SNTB1: variants seen among roughly 807,000 people sequenced by gnomAD.
SNTB1 encodes the protein beta-1-syntrophin.
Under a neutral mutation model 48.9 loss-of-function variants are expected in SNTB1, and 36 were observed. The ratio of observed to expected loss-of-function variants is 0.74; its 90% confidence interval spans 0.56 to 0.97. SNTB1 has a LOEUF of 0.97. Among genes scored for constraint, SNTB1 ranks in the 50% least tolerant of loss-of-function variants. The probability of loss-of-function intolerance (pLI) is 0.00; values close to 1 mark genes in which losing one functional copy is unlikely to be tolerated. For missense variants in SNTB1, 786 were observed against 703.4 expected (o/e 1.12, Z -1.33); for synonymous variants, 299 against 294.6 (o/e 1.01, Z -0.15).
intron 1 of SNTB1, among the ~76,000 whole-genome samples, chr8:120,810,468 C>T (rs1367478311): frequency 6.6e-6 from 1 of 152,200 alleles, no homozygotes; most frequent in Non-Finnish European, 1.5e-5. Flanking sequence ...AGGCTCTTCG[C>T]ACGCAGGGGA....
intron 3 of SNTB1, among the ~76,000 whole-genome samples, chr8:120,604,547 G>A (rs1816480339): frequency 6.6e-6 from 1 of 150,900 alleles, no homozygotes; most frequent in African/African-American, 2.4e-5. Flanking sequence ...TCTGCCTCCC[G>A]GGTTCAGGCA....
At chr8:120,721,554 G>T (rs1453480071) in intron 1 of SNTB1, among the ~76,000 whole-genome samples, 7 of 152,080 alleles carry the variant, frequency 4.6e-5, no homozygotes, top group Non-Finnish European at 8.8e-5. Context: ...ACTCTAATTG[G>T]CTGGCTTTTT....
chr8:120,561,768 TA>T (rs1815664688), intron 4 of SNTB1, among the ~76,000 whole-genome samples: 1 of 152,236 alleles, frequency 6.6e-6, no homozygotes, highest in African/African-American at 2.4e-5. Context: ...TCAGCTCTTA[TA>T]ACACTCGGCT....
At chr8:120,744,980 C>G (rs1016212718) in intron 1 of SNTB1, among the ~76,000 whole-genome samples, 1 of 152,192 alleles carries the variant, frequency 6.6e-6, no homozygotes, top group African/African-American at 2.4e-5. Context: ...AATCCATCGT[C>G]TTTCTTGATG....
chr8:120,807,537 A>T (rs1204510525), intron 1 of SNTB1, among the ~76,000 whole-genome samples: 1 of 152,248 alleles, frequency 6.6e-6, no homozygotes, highest in East Asian at 1.9e-4. Context: ...GGCAGAGTTT[A>T]TTCACGATAT....
intron 1 of SNTB1, among the ~76,000 whole-genome samples, chr8:120,731,947 A>C (rs73710006): frequency 0.031 from 4,674 of 152,288 alleles, 242 homozygotes; most frequent in African/African-American, 0.11. Context: ...ATTTTATTTC[A>C]TGGGAATGGG....
chr8:120,594,383 A>G (rs1816291082), intron 3 of SNTB1, among the ~76,000 whole-genome samples: 1 of 152,114 alleles, frequency 6.6e-6, no homozygotes, highest in Non-Finnish European at 1.5e-5. Flanking sequence ...GATTACAGGC[A>G]TGCGCCACCA....
intron 1 of SNTB1, among the ~76,000 whole-genome samples, chr8:120,795,676 A>G (rs1426398097): frequency 1.3e-5 from 2 of 152,040 alleles, no homozygotes; most frequent in African/African-American, 4.8e-5. Flanking sequence ...GGCTTAGACA[A>G]CAGGAGTTCA....
intron 1 of SNTB1, among the ~76,000 whole-genome samples, chr8:120,781,117 G>A (rs1420095957): frequency 1.3e-5 from 2 of 152,190 alleles, no homozygotes; most frequent in African/African-American, 4.8e-5. Context: ...GGACCTACAG[G>A]CTATGGGGAA....
chr8:120,554,431 A>G (rs919556532), intron 4 of SNTB1, among the ~76,000 whole-genome samples: 3 of 152,180 alleles, frequency 2.0e-5, no homozygotes, highest in African/African-American at 7.2e-5. Flanking sequence ...CAGACGTAGG[A>G]CAATGAGCGC....
intron 3 of SNTB1, among the ~76,000 whole-genome samples, chr8:120,585,345 A>C (rs1816122385): frequency 6.6e-6 from 1 of 152,220 alleles, no homozygotes; most frequent in Non-Finnish European, 1.5e-5. Flanking sequence ...ACTGTGCAGC[A>C]GGCCATGCTT....
At chr8:120,715,295 G>T (rs939983697) in intron 1 of SNTB1, among the ~76,000 whole-genome samples, 1 of 152,200 alleles carries the variant, frequency 6.6e-6, no homozygotes, top group Non-Finnish European at 1.5e-5. Flanking sequence ...AGAGAAGAAG[G>T]AAATTTGGTT....
intron 4 of SNTB1, 95 bp from the exon 5 acceptor site, chr8:120,549,053 T>C: frequency 1.0e-6 from 1 of 1,000,334 alleles, no homozygotes; most frequent in Non-Finnish European, 1.5e-6. Context: ...TGATCTGCTC[T>C]CATTTTTCTG....
intron 2 of SNTB1, among the ~76,000 whole-genome samples, chr8:120,687,637 T>A (rs1260197761): frequency 6.6e-6 from 1 of 152,238 alleles, no homozygotes; most frequent in African/African-American, 2.4e-5. Context: ...TAATTTCTTG[T>A]GTAGCTTATC....
intron 3 of SNTB1, among the ~76,000 whole-genome samples, chr8:120,628,060 G>A (rs528392655): frequency 5.3e-5 from 8 of 152,268 alleles, no homozygotes; most frequent in African/African-American, 1.4e-4. Context: ...GAAAGAATAC[G>A]AAATGGAAAT....
chr8:120,601,122 A>G (rs1040125153), intron 3 of SNTB1, among the ~76,000 whole-genome samples: 2 of 152,016 alleles, frequency 1.3e-5, no homozygotes, highest in African/African-American at 4.8e-5. Context: ...CGCTGCTGGG[A>G]ATCTGGATGG....
intron 2 of SNTB1, chr8:120,635,997 T>C (rs1006504380): frequency 2.1e-5 from 20 of 943,770 alleles, no homozygotes; most frequent in Non-Finnish European, 2.9e-5. Flanking sequence ...TCCCATTCAA[T>C]AGAACCAGAA....
At chr8:120,572,007 C>G (rs57589495) in intron 4 of SNTB1, among the ~76,000 whole-genome samples, 32,790 of 152,004 alleles carry the variant, frequency 0.22, 3,736 homozygotes, top group Middle Eastern at 0.31. Flanking sequence ...CTCCCCGGCC[C>G]CACCCCCGCT....
chr8:120,742,948 T>C (rs374424398), intron 1 of SNTB1, among the ~76,000 whole-genome samples: 1 of 152,136 alleles, frequency 6.6e-6, no homozygotes, highest in East Asian at 1.9e-4. Flanking sequence ...GATACGAATT[T>C]CAAAAATTCA....
Sources: gnomAD v4.1 joint callset for allele counts (sites outside exome capture counted in the v4.1 genomes callset) on GRCh38, gnomAD v4.1.1 for gene constraint, MANE v1.5 for transcripts, NCBI Gene and HGNC (gene_info 2026-07-23, HGNC 2026-07-21) for gene names.